Variants in SLC44A3 observed in about 807,000 individuals in gnomAD.
SLC44A3 encodes solute carrier family 44 member 3, also known as choline transporter-like protein 3.
SLC44A3 carries 74 observed loss-of-function variants against 75.4 expected under a neutral mutation model. The observed-to-expected ratio is 0.98, with a 90% CI of 0.81 to 1.19. The LOEUF (loss-of-function observed/expected upper bound fraction) is 1.19. SLC44A3 is among the 50% of genes most tolerant of loss of function. SLC44A3 has a pLI of 0.00. For missense variants in SLC44A3, 700 were observed against 778.6 expected (o/e 0.90, Z 1.20); for synonymous variants, 310 against 296.9 (o/e 1.04, Z -0.45).
chr1:94,891,125 T>C lies in SLC44A3; in HGVS notation c.1483-5T>C. On this transcript the variant is annotated splice_polypyrimidine_tract_variant and splice_region_variant and intron_variant, in intron 12 of 14. Transcript: ENST00000271227. ...TATCTTTTAAACAATTCTCTTCTGT[T>C]TCAGAATGCATATACTACAACTGCT... 6.3e-7 allele frequency: 1 copy of C among 1,592,956 alleles called. No homozygotes were observed. Among genetic ancestry groups the C allele is most frequent in the Non-Finnish European group, 8.5e-7 (1 of 1,171,262 alleles).
rs1027106534 is a variant in SLC44A3, at chr1:94,843,132, G to C, written c.885+1008G>C. On this transcript the variant is annotated intron_variant, in intron 8 of 14. Transcript: ENST00000271227. ...GAGGAGCAGGGCTGGGGGCTGGGGA[G>C]GGTCCAGTTCCTCCGTCTACCCTCC... is the stretch of plus-strand genomic sequence containing the variant. 4 of 152,328 alleles carry C rather than the reference G, an allele frequency of 2.6e-5. 1 individual carries two copies. Among genetic ancestry groups the C allele is most frequent in the African/African-American group, 9.7e-5 (4 of 41,434 alleles). 9.4% of individuals were successfully genotyped at this position (152,328 alleles called of 1,614,324 possible). A position where few individuals can be genotyped will look rare whatever the true frequency, so the allele number is the denominator to read the frequency against.
At chr1:94,834,060 C>T (rs1412233672) in intron 5 of SLC44A3, among the ~76,000 whole-genome samples, 2 of 152,140 alleles carry the variant, frequency 1.3e-5, no homozygotes, top group African/African-American at 4.8e-5. Context: ...AATTGTTTTT[C>T]TCATTTTTTA....
intron 12 of SLC44A3, among the ~76,000 whole-genome samples, chr1:94,879,795 C>T (rs1178030376): frequency 2.1e-5 from 3 of 143,210 alleles, no homozygotes; most frequent in African/African-American, 5.3e-5. Flanking sequence ...GTCGAGACTG[C>T]GCCACTGCAC....
chr1:94,843,846 T>C lies in SLC44A3; in HGVS notation c.886-1432T>C, dbSNP rs1326487006. ...CGCTTTACAAAGGTCCCCTTAGCTGTGGAGTGGAGGAGGGACTGAGGTGGG... is the reference window on the plus strand; with the variant it reads ...CGCTTTACAAAGGTCCCCTTAGCTGCGGAGTGGAGGAGGGACTGAGGTGGG... On this transcript the variant is annotated intron_variant, in intron 8 of 14. Transcript: ENST00000271227. 1.3e-4 allele frequency among the ~76,000 whole-genome samples: 3 copies of C among 23,180 alleles called. No individual in the cohort carries two copies. The East Asian group carries it at 2.9e-3, about 22-fold the overall frequency. 15.2% of individuals were successfully genotyped at this position (23,180 alleles called of 152,430 possible). A position where few individuals can be genotyped will look rare whatever the true frequency, so the allele number is the denominator to read the frequency against.
rs1661057115 is a variant in SLC44A3 at position 94,824,613 on chromosome 1, G to A, written c.256G>A (p.Gly86Arg). 1 of 1,604,440 alleles carries A rather than the reference G, an allele frequency of 6.2e-7. No homozygotes were observed. Among genetic ancestry groups the A allele is most frequent in the East Asian group, 2.3e-5 (1 of 44,392 alleles). The stretch of plus-strand genomic sequence containing the variant: ...CCCCGTGGAAGGGGCCCCTCTTTCA[G>A]GGCAGGACATGACCCTAAAAAAGTA... ...NSPVEGAPLS[G>R]QDMTLKKHVF... The change falls in exon 3 of 15, where the codon GGG becomes AGG. Residue 86 changes from glycine to arginine, a missense_variant. By Grantham distance (125) the Gly-to-Arg change is moderately radical. Transcript: ENST00000271227.
chr1:94,887,209 T>C (rs898245090), intron 12 of SLC44A3, among the ~76,000 whole-genome samples: 2 of 152,076 alleles, frequency 1.3e-5, no homozygotes, highest in Non-Finnish European at 2.9e-5. Flanking sequence ...ACGATGAAAA[T>C]GTTAGTGCAC....
intron 7 of SLC44A3, among the ~76,000 whole-genome samples, chr1:94,841,245 C>G (rs902521869): frequency 6.6e-6 from 1 of 152,206 alleles, no homozygotes; most frequent in Admixed American, 6.5e-5. Context: ...GAACCACCAT[C>G]ATATATGCAG....
At chr1:94,823,017 C>A (rs1331098165) in intron 2 of SLC44A3, among the ~76,000 whole-genome samples, 1 of 152,082 alleles carries the variant, frequency 6.6e-6, no homozygotes, top group African/African-American at 2.4e-5. Context: ...AAATAATAAT[C>A]ATAAAGTCAT....
intron 3 of SLC44A3, 75 bp downstream of exon 3, chr1:94,824,710 C>A (rs1661073515): frequency 6.8e-7 from 1 of 1,464,314 alleles, no homozygotes; most frequent in South Asian, 1.5e-5. Context: ...CATTTGGAGC[C>A]TGGAAACTTT....
chr1:94,892,168 A>G (rs1010351834), intron 13 of SLC44A3, 113 bp from the exon 14 acceptor site: 76 of 946,646 alleles, frequency 8.0e-5, no homozygotes, highest in Middle Eastern at 2.2e-4. Flanking sequence ...TCTTTACAAT[A>G]GTGCACACAC....
At chr1:94,863,049 GAC>G (rs1666761355) in intron 10 of SLC44A3, among the ~76,000 whole-genome samples, 1 of 152,122 alleles carries the variant, frequency 6.6e-6, no homozygotes. Flanking sequence ...GGGCCTCAGA[GAC>G]ACACCACTTC....
intron 3 of SLC44A3, 31 bp from the exon 4 acceptor site, chr1:94,827,476 A>G: frequency 1.9e-6 from 3 of 1,613,848 alleles, no homozygotes; most frequent in Non-Finnish European, 2.5e-6. Flanking sequence ...GCAATGCTCT[A>G]ACACATTCTT....
chr1:94,883,312 G>A (rs1024144424), intron 12 of SLC44A3, among the ~76,000 whole-genome samples: 1 of 152,068 alleles, frequency 6.6e-6, no homozygotes, highest in Non-Finnish European at 1.5e-5. Flanking sequence ...ACCAGCCTGG[G>A]CAATATGGCA....
chr1:94,868,008 C>A (rs1204799741), intron 12 of SLC44A3, among the ~76,000 whole-genome samples: 1 of 152,138 alleles, frequency 6.6e-6, no homozygotes, highest in East Asian at 1.9e-4. Flanking sequence ...AAAGAATTGC[C>A]TCCCTAATTT....
chr1:94,880,524 C>A (rs760866762), intron 12 of SLC44A3, among the ~76,000 whole-genome samples: 1 of 152,016 alleles, frequency 6.6e-6, no homozygotes, highest in Non-Finnish European at 1.5e-5. Context: ...AGTACTGATT[C>A]CATTCATACA....
intron 6 of SLC44A3, among the ~76,000 whole-genome samples, chr1:94,839,267 A>G (rs546580500): frequency 6.6e-6 from 1 of 151,572 alleles, no homozygotes; most frequent in East Asian, 1.9e-4. Flanking sequence ...TTAGAACTTT[A>G]CATAAGCCCA....
At chr1:94,872,665 C>T (rs1266500344) in intron 12 of SLC44A3, among the ~76,000 whole-genome samples, 4 of 152,188 alleles carry the variant, frequency 2.6e-5, no homozygotes. Context: ...TGAGCTTCTG[C>T]AATATGAAAG....
At chr1:94,858,542 A>T (rs1175623273) in intron 10 of SLC44A3, among the ~76,000 whole-genome samples, 1 of 152,180 alleles carries the variant, frequency 6.6e-6, no homozygotes, top group African/African-American at 2.4e-5. Flanking sequence ...TTTACTCTTC[A>T]TAGGGCTGAT....
intron 5 of SLC44A3, among the ~76,000 whole-genome samples, chr1:94,832,063 G>A (rs1336501820): frequency 1.3e-5 from 2 of 151,906 alleles, no homozygotes; most frequent in African/African-American, 4.9e-5. Flanking sequence ...GCTACTTGGG[G>A]AGGCTGAGGC....
Sources: allele counts gnomAD v4.1 joint callset (sites outside exome capture counted in the v4.1 genomes callset), GRCh38; gene constraint gnomAD v4.1.1; transcripts MANE v1.5; gene names NCBI Gene and HGNC (gene_info 2026-07-23, HGNC 2026-07-21).